Variants in MACROD2 observed in about 807,000 individuals in gnomAD.
MACROD2 encodes the protein mono-ADP ribosylhydrolase 2.
In MACROD2, 36 loss-of-function variants were observed where a neutral mutation model predicts 70.4. That is an observed-to-expected ratio of 0.51 (90% CI 0.39 to 0.68). The LOEUF (loss-of-function observed/expected upper bound fraction) is 0.68, where lower values mean the gene tolerates loss of function less well. Among genes scored for constraint, MACROD2 ranks in the 30% least tolerant of loss-of-function variants. The pLI is 0.00. For missense variants in MACROD2, 496 were observed against 538.4 expected, an observed-to-expected ratio of 0.92 and a Z score of 0.78; for synonymous variants, 172 against 178.8, an observed-to-expected ratio of 0.96 and a Z score of 0.30.
intron 4 of MACROD2, among the ~76,000 whole-genome samples, chr20:14,662,656 C>T (rs974121753): frequency 6.6e-6 from 1 of 151,762 alleles, no homozygotes; most frequent in African/African-American, 2.4e-5. Context: ...AAAACAACCC[C>T]ATTACAAATT....
chr20:14,435,201 A>C (rs2084042687), intron 3 of MACROD2, among the ~76,000 whole-genome samples: 1 of 152,160 alleles, frequency 6.6e-6, no homozygotes, highest in Non-Finnish European at 1.5e-5. Context: ...GCTTGTGGAT[A>C]CACAACTCCA....
intron 4 of MACROD2, among the ~76,000 whole-genome samples, chr20:14,582,487 C>A (rs979363042): frequency 1.3e-5 from 2 of 151,934 alleles, no homozygotes; most frequent in African/African-American, 4.8e-5. Context: ...GTGTCCACAC[C>A]GAACATTCAC....
chr20:15,455,011 T>C (rs1273766180), intron 7 of MACROD2, among the ~76,000 whole-genome samples: 2 of 152,112 alleles, frequency 1.3e-5, no homozygotes, highest in East Asian at 1.9e-4. Flanking sequence ...CTCTCATTGA[T>C]GAGGAAAGCT....
intron 5 of MACROD2, among the ~76,000 whole-genome samples, chr20:15,052,096 A>G (rs952785259): frequency 6.6e-6 from 1 of 152,122 alleles, no homozygotes; most frequent in Non-Finnish European, 1.5e-5. Flanking sequence ...TTCTTAAATC[A>G]CCTGACTGAG....
chr20:14,465,455 A>G (rs1356573455), intron 3 of MACROD2, among the ~76,000 whole-genome samples: 1 of 152,008 alleles, frequency 6.6e-6, no homozygotes, highest in African/African-American at 2.4e-5. Flanking sequence ...GGTTTCCTGA[A>G]TACAGCACAC....
intron 8 of MACROD2, among the ~76,000 whole-genome samples, chr20:15,721,429 C>A (rs2050785491): frequency 6.6e-6 from 1 of 152,160 alleles, no homozygotes; most frequent in South Asian, 2.1e-4. Flanking sequence ...GCTATAGTTT[C>A]ATCCTTGACC....
chr20:14,828,878 G>A (rs948062283), intron 5 of MACROD2, among the ~76,000 whole-genome samples: 2 of 151,544 alleles, frequency 1.3e-5, no homozygotes, highest in African/African-American at 4.8e-5. Flanking sequence ...AAATGGACAA[G>A]TTCTCTTTTC....
At chr20:15,079,406 C>T (rs895243193) in intron 5 of MACROD2, among the ~76,000 whole-genome samples, 2 of 152,092 alleles carry the variant, frequency 1.3e-5, no homozygotes, top group Non-Finnish European at 2.9e-5. Flanking sequence ...CCTGCACAGT[C>T]ATACTCTTTT....
intron 8 of MACROD2, among the ~76,000 whole-genome samples, chr20:15,622,771 A>G (rs1306317231): frequency 2.6e-5 from 4 of 152,214 alleles, no homozygotes; most frequent in Admixed American, 2.0e-4. Flanking sequence ...TTTGAGAGAG[A>G]GAGACCACAT....
intron 8 of MACROD2, among the ~76,000 whole-genome samples, chr20:15,533,812 G>A (rs1017725143): frequency 6.6e-6 from 1 of 152,172 alleles, no homozygotes; most frequent in Non-Finnish European, 1.5e-5. Context: ...TGCCTGGGAG[G>A]TAGGGTGGAG....
At chr20:14,870,717 A>G (rs770114437) in intron 5 of MACROD2, among the ~76,000 whole-genome samples, 11 of 151,806 alleles carry the variant, frequency 7.2e-5, no homozygotes, top group Non-Finnish European at 1.3e-4. Context: ...GGTTTTTTTC[A>G]TATGATTGCT....
intron 3 of MACROD2, among the ~76,000 whole-genome samples, chr20:14,106,560 G>C (rs1163288265): frequency 6.6e-6 from 1 of 152,144 alleles, no homozygotes; most frequent in East Asian, 1.9e-4. Flanking sequence ...TGATTGTAGA[G>C]TACTAGGGCC....
chr20:14,142,672 C>A lies in MACROD2; in HGVS notation c.271+56944C>A, dbSNP rs1327453258. ...TAGCATTTTGTTAAACTTGCCACTG[C>A]CTTTAGTACTTGCATCTTTGGTGCT... On this transcript the variant is annotated intron_variant, in intron 3 of 17. Transcript: ENST00000684519. Among the ~76,000 whole-genome samples, 3 of 152,050 alleles carry A rather than the reference C, an allele frequency of 2.0e-5. No homozygotes were observed. In the East Asian group the frequency reaches 5.8e-4, roughly 29 times the overall value.
intron 6 of MACROD2, among the ~76,000 whole-genome samples, chr20:15,423,050 A>G (rs1379830409): frequency 6.6e-6 from 1 of 152,054 alleles, no homozygotes; most frequent in African/African-American, 2.4e-5. Flanking sequence ...ATAAATGGAA[A>G]ACAAGCATTA....
intron 4 of MACROD2, among the ~76,000 whole-genome samples, chr20:14,639,359 T>G (rs1393185873): frequency 6.7e-6 from 1 of 150,338 alleles, no homozygotes; most frequent in South Asian, 2.1e-4. Flanking sequence ...CATTTCAATT[T>G]CATGTACTCC....
intron 8 of MACROD2, among the ~76,000 whole-genome samples, chr20:15,757,835 G>C (rs2051370678): frequency 6.6e-6 from 1 of 152,106 alleles, no homozygotes. Context: ...CCATGCTCAA[G>C]ACTTCATCTA....
chr20:14,542,332 A>G (rs2085443791), intron 4 of MACROD2, among the ~76,000 whole-genome samples: 1 of 152,190 alleles, frequency 6.6e-6, no homozygotes, highest in Non-Finnish European at 1.5e-5. Context: ...AGTTGAAAAT[A>G]TTTGTTGAGG....
At chr20:14,281,921 C>A in intron 3 of MACROD2, among the ~76,000 whole-genome samples, 1 of 114,278 alleles carries the variant, frequency 8.8e-6, no homozygotes, top group Non-Finnish European at 1.7e-5. Context: ...GGCGACAGAG[C>A]AGACTCCCTC....
At position 14,044,183 on chromosome 20, in the gene MACROD2, G is replaced by C. The variant is rs542664996; in HGVS notation, c.164-41438G>C. Among the ~76,000 whole-genome samples the C allele has an allele frequency of 2.0e-5, 3 of 152,094 alleles. No homozygotes were observed. In the South Asian group the frequency reaches 6.2e-4, roughly 32 times the overall value. ...TTCTGGTGGGTTCGTGGTCTCACTG[G>C]CTCAGGAGTGAAGCTGCAGACTTTC... is the stretch of plus-strand genomic sequence containing the variant. On this transcript the variant is annotated intron_variant, in intron 2 of 17. Transcript: ENST00000684519.
Sources: gnomAD v4.1 joint callset for allele counts (sites outside exome capture counted in the v4.1 genomes callset) on GRCh38, gnomAD v4.1.1 for gene constraint, MANE v1.5 for transcripts, NCBI Gene and HGNC (gene_info 2026-07-23, HGNC 2026-07-21) for gene names.